ASRGL1: variants seen among roughly 807,000 people sequenced by gnomAD.
ASRGL1 encodes the protein isoaspartyl peptidase/L-asparaginase.
ASRGL1 carries 16 observed loss-of-function variants against 22.4 expected under a neutral mutation model. That is an observed-to-expected ratio of 0.71 (90% CI 0.48 to 1.08). The LOEUF (loss-of-function observed/expected upper bound fraction) is 1.08. ASRGL1 is among the 50% of genes least tolerant of loss of function. ASRGL1 has a pLI of 0.00. For missense variants in ASRGL1, 412 were observed against 410.1 expected (o/e 1.00, Z -0.04); for synonymous variants, 165 against 159.3 (o/e 1.04, Z -0.27).
chr11:62,367,466 G>T (rs1280496623), intron 4 of ASRGL1, among the ~76,000 whole-genome samples: 5 of 151,196 alleles, frequency 3.3e-5, no homozygotes, highest in African/African-American at 1.2e-4. Flanking sequence ...CCAACATGGT[G>T]AAACCCTGTC....
At chr11:62,346,461 G>A (rs1293760611) in intron 2 of ASRGL1, among the ~76,000 whole-genome samples, 3 of 152,096 alleles carry the variant, frequency 2.0e-5, no homozygotes, top group African/African-American at 7.2e-5. Context: ...CTGTGAGACT[G>A]AGTAACAAAC....
chr11:62,362,891 A>ATTTTTTTTT (rs60507577), intron 4 of ASRGL1, among the ~76,000 whole-genome samples: 2 of 50,366 alleles, frequency 4.0e-5, no homozygotes, highest in African/African-American at 9.7e-5. Context: ...AAAGGATTTA[A>ATTTTTTTTT]TTTTTTTTTT....
At chr11:62,383,760 A>C (rs1947133148) in intron 4 of ASRGL1, among the ~76,000 whole-genome samples, 1 of 150,672 alleles carries the variant, frequency 6.6e-6, no homozygotes, top group Non-Finnish European at 1.5e-5. Context: ...CATCTCTACT[A>C]AAAAATACAA....
intron 4 of ASRGL1, among the ~76,000 whole-genome samples, chr11:62,369,551 C>G (rs1946709266): frequency 6.6e-6 from 1 of 152,080 alleles, no homozygotes; most frequent in Non-Finnish European, 1.5e-5. Flanking sequence ...AGACTAGCAA[C>G]AGACAGAACA....
chr11:62,377,352 C>T (rs1045864603), intron 4 of ASRGL1, among the ~76,000 whole-genome samples: 2 of 152,142 alleles, frequency 1.3e-5, no homozygotes, highest in Admixed American at 1.3e-4. Flanking sequence ...TTAGAGCTGT[C>T]TCAACATCCC....
intron 2 of ASRGL1, among the ~76,000 whole-genome samples, chr11:62,355,622 C>CTTT (rs56828559): frequency 5.3e-5 from 7 of 131,942 alleles, no homozygotes; most frequent in South Asian, 2.4e-4. Context: ...TTTCTAAATT[C>CTTT]TTTTTTTTTT....
chr11:62,381,725 T>C (rs988019551), intron 4 of ASRGL1: 5 of 152,136 alleles, frequency 3.3e-5, no homozygotes, highest in Non-Finnish European at 7.3e-5. Flanking sequence ...AACTCCCCCC[T>C]TTTTAAAAGA....
At chr11:62,371,837 C>G (rs921528888) in intron 4 of ASRGL1, 2 of 519,410 alleles carry the variant, frequency 3.9e-6, no homozygotes, top group Admixed American at 6.4e-5. Flanking sequence ...TCCTGTAGTC[C>G]CAGCTAATCA....
intron 2 of ASRGL1, among the ~76,000 whole-genome samples, chr11:62,349,008 GCC>G (rs1233565114): frequency 1.3e-5 from 2 of 151,402 alleles, no homozygotes; most frequent in Non-Finnish European, 2.9e-5. Context: ...TCACTCTGTC[GCC>G]CAGGCTGGAG....
intron 4 of ASRGL1, among the ~76,000 whole-genome samples, chr11:62,362,628 A>ATT (rs1565162259): frequency 1.3e-5 from 1 of 74,240 alleles, no homozygotes; most frequent in African/African-American, 6.0e-5. Flanking sequence ...TATATTATAT[A>ATT]AAATATATAT....
intron 2 of ASRGL1, among the ~76,000 whole-genome samples, chr11:62,348,658 G>A (rs570599916): frequency 2.6e-5 from 4 of 151,688 alleles, no homozygotes; most frequent in Admixed American, 6.6e-5. Context: ...AGCCAAGATC[G>A]CGCCACTGCA....
Position 62,375,454 on chromosome 11 carries a change from ATATATATATATATATATATATATATATT to A in ASRGL1, c.492-13677_492-13650del, listed in dbSNP as rs1339305757. ...TATATATATATATATATATATATAT[ATATATATATATATATATATATATATATT>A]TCTTGGAGTAAACATTTTAAATAAA... is the stretch of plus-strand genomic sequence containing the variant. On this transcript the variant is annotated intron_variant, in intron 4 of 6. Transcript: ENST00000415229. 1.9e-4 allele frequency among the ~76,000 whole-genome samples: 18 copies of A among 93,114 alleles called. 1 individual carries two copies. Among genetic ancestry groups the A allele is most frequent in the South Asian group, 1.2e-3 (3 of 2,434 alleles). 61.1% of individuals were successfully genotyped at this position (93,114 alleles called of 152,430 possible).
intron 4 of ASRGL1, among the ~76,000 whole-genome samples, chr11:62,387,432 GTATGGTC>G (rs1947241849): frequency 6.6e-6 from 1 of 152,216 alleles, no homozygotes; most frequent in Non-Finnish European, 1.5e-5. Context: ...TAACTAGTGT[GTATGGTC>G]ACCCCACTTG....
rs79372737 is a variant in ASRGL1, at chr11:62,376,044, A to G, written c.492-13089A>G. On this transcript the variant is annotated intron_variant, in intron 4 of 6. Coordinates refer to ENST00000415229, the MANE Select transcript of ASRGL1 (RefSeq NM_001083926.2). ...TTGAACCTGGGAAGTGGAGGTTGCC[A>G]TGAGCTGAGATCGCACCACTGCACT... is the stretch of plus-strand genomic sequence containing the variant. Among the ~76,000 whole-genome samples, 777 of 143,508 alleles carry G rather than the reference A, an allele frequency of 5.4e-3. 13 individuals carry two copies. The highest frequency in any genetic ancestry group is 0.045 in the East Asian group (212 of 4,688). The allele number at this position is 143,508 out of a possible 152,430, so 94.1% of individuals were successfully genotyped here.
intron 4 of ASRGL1, among the ~76,000 whole-genome samples, chr11:62,384,685 A>G (rs1441917644): frequency 2.8e-5 from 4 of 144,128 alleles, no homozygotes. Context: ...GGAGGCCAAG[A>G]CAGGCAGACT....
At chr11:62,346,963 C>A (rs1415622570) in intron 2 of ASRGL1, among the ~76,000 whole-genome samples, 1 of 106,312 alleles carries the variant, frequency 9.4e-6, no homozygotes, top group Middle Eastern at 4.1e-3. Flanking sequence ...AGTGAGACTC[C>A]GTCTCAAAAA....
At chr11:62,372,514 G>A in intron 4 of ASRGL1, 1 of 1,083,520 alleles carries the variant, frequency 9.2e-7, no homozygotes, top group African/African-American at 1.5e-5. Flanking sequence ...ACAGCAGATA[G>A]AGTATGACTG....
Position 62,391,581 on chromosome 11 carries a change from A to C in ASRGL1, c.670A>C (p.Ser224Arg). 6.2e-7 allele frequency: 1 copy of C among 1,612,764 alleles called. No homozygotes were observed. Among genetic ancestry groups the C allele is most frequent in the Non-Finnish European group, 8.5e-7 (1 of 1,179,472 alleles). The change falls in exon 6 of 7, where the codon AGC (serine) becomes CGC (arginine). Residue 224 changes from serine (S) to arginine (R), a missense_variant. By Grantham distance (110) the Ser-to-Arg change is moderately radical. Coordinates refer to ENST00000415229, the MANE Select transcript of ASRGL1 (RefSeq NM_001083926.2). ...CGTCTCAACCACAGGGCATGGGGAA[A>C]GCATCCTGAAGGTGAACCTGGCTAG... ...GAVSTTGHGE[S>R]ILKVNLARLT... is the part of the protein sequence containing the mutation.
downstream of ASRGL1, among the ~76,000 whole-genome samples, chr11:62,398,050 C>T (rs1377409178): frequency 6.6e-6 from 1 of 152,016 alleles, no homozygotes; most frequent in Non-Finnish European, 1.5e-5. Flanking sequence ...GGCTGAACAC[C>T]ACCACAGGCG....
Sources: gnomAD v4.1 joint callset for allele counts (sites outside exome capture counted in the v4.1 genomes callset) on GRCh38, gnomAD v4.1.1 for gene constraint, MANE v1.5 for transcripts, NCBI Gene and HGNC (gene_info 2026-07-23, HGNC 2026-07-21) for gene names.